Variants in CLHC1 observed in about 807,000 individuals in gnomAD.
The protein encoded by CLHC1 is clathrin heavy chain linker domain-containing protein 1.
Under a neutral mutation model 69.5 loss-of-function variants are expected in CLHC1, and 72 were observed. That is an observed-to-expected ratio of 1.04 (90% confidence interval 0.86 to 1.26). CLHC1 has a LOEUF of 1.26. Ranked by LOEUF, CLHC1 falls within the 50% of genes most tolerant of loss-of-function variation. CLHC1 has a pLI of 0.00. For missense variants in CLHC1, 790 were observed against 679.3 expected (o/e 1.16, Z -1.81); for synonymous variants, 223 against 224.3 (o/e 0.99, Z 0.05).
chr2:55,194,271 T>C (rs1329938161), intron 9 of CLHC1, among the ~76,000 whole-genome samples: 2 of 152,136 alleles, frequency 1.3e-5, no homozygotes, highest in East Asian at 3.8e-4. Context: ...AGGCAACATA[T>C]TCATTATACT....
At chr2:55,213,086 T>C (rs1673167355) in intron 4 of CLHC1, among the ~76,000 whole-genome samples, 1 of 152,220 alleles carries the variant, frequency 6.6e-6, no homozygotes, top group African/African-American at 2.4e-5. Flanking sequence ...ATTACTTTTG[T>C]AATTTAAAAA....
intron 2 of CLHC1, among the ~76,000 whole-genome samples, chr2:55,227,001 A>G (rs563499739): frequency 3.9e-5 from 6 of 152,360 alleles, no homozygotes; most frequent in African/African-American, 1.4e-4. Flanking sequence ...ATGTTCTGGC[A>G]ATATAACTGA....
chr2:55,177,834 C>A, intron 11 of CLHC1, 53 bp from the exon 12 acceptor site: 1 of 1,335,966 alleles, frequency 7.5e-7, no homozygotes. Flanking sequence ...CATAAATCAA[C>A]TAGAAACTAG....
At chr2:55,192,941 A>C (rs1216039689) in intron 9 of CLHC1, among the ~76,000 whole-genome samples, 3 of 138,492 alleles carry the variant, frequency 2.2e-5, no homozygotes, top group Non-Finnish European at 3.0e-5. Context: ...CCCAGGCTGG[A>C]GTGCAGTGGC....
chr2:55,216,375 C>G (rs564231911), intron 4 of CLHC1, among the ~76,000 whole-genome samples: 9 of 151,814 alleles, frequency 5.9e-5, no homozygotes, highest in African/African-American at 1.9e-4. Flanking sequence ...GACTACTTAA[C>G]AAGATTGAGC....
chr2:55,201,445 T>C (rs1671935045), intron 9 of CLHC1, among the ~76,000 whole-genome samples: 1 of 152,030 alleles, frequency 6.6e-6, no homozygotes, highest in Non-Finnish European at 1.5e-5. Flanking sequence ...TTAAGACACA[T>C]ACAACCCACC....
In CLHC1 at chr2:55,174,210, T is replaced by G. The variant is rs544143643; in HGVS notation, c.*1580A>C. Among the ~76,000 whole-genome samples, 1 of 152,336 alleles carries G rather than the reference T, an allele frequency of 6.6e-6. No homozygotes were observed. Among genetic ancestry groups the G allele is most frequent in the East Asian group, 1.9e-4 (1 of 5,188 alleles). ...TTTTAAACTATGCACATGTATTACT[T>G]TAAAAATGCTACGTTTTAGAAAGCT... On this transcript the variant is annotated 3_prime_UTR_variant, in exon 13 of 13. Coordinates refer to ENST00000401408, the MANE Select transcript of CLHC1 (RefSeq NM_152385.4).
At chr2:55,182,659 G>A (rs1381903418) in intron 9 of CLHC1, among the ~76,000 whole-genome samples, 2 of 152,212 alleles carry the variant, frequency 1.3e-5, no homozygotes, top group Non-Finnish European at 2.9e-5. Flanking sequence ...ACCAGAGCCT[G>A]ATATTTGCCT....
At chr2:55,231,559 G>A (rs1675363358) in intron 1 of CLHC1, among the ~76,000 whole-genome samples, 1 of 152,128 alleles carries the variant, frequency 6.6e-6, no homozygotes, top group Non-Finnish European at 1.5e-5. Flanking sequence ...AGTTAGATTC[G>A]GAACCCCTAC....
chr2:55,230,117 CAG>C (rs1194136804), intron 1 of CLHC1, among the ~76,000 whole-genome samples: 1 of 152,186 alleles, frequency 6.6e-6, no homozygotes, highest in Non-Finnish European at 1.5e-5. Context: ...CTGTGGAAAA[CAG>C]ATTATAGGAC....
chr2:55,223,287 A>G (rs1048647759), intron 2 of CLHC1, among the ~76,000 whole-genome samples: 5 of 152,152 alleles, frequency 3.3e-5, no homozygotes, highest in African/African-American at 1.2e-4. Context: ...TTTAATATTA[A>G]AGTACCAAGC....
chr2:55,210,217 G>C (rs1003088383), intron 5 of CLHC1, among the ~76,000 whole-genome samples: 1 of 150,826 alleles, frequency 6.6e-6, no homozygotes, highest in Non-Finnish European at 1.5e-5. Context: ...TTTTTTTTGA[G>C]ATGGAGTCGC....
At chr2:55,196,573 T>G (rs1671438367) in intron 9 of CLHC1, among the ~76,000 whole-genome samples, 1 of 152,096 alleles carries the variant, frequency 6.6e-6, no homozygotes, top group East Asian at 1.9e-4. Flanking sequence ...GGGACAACAT[T>G]TCTAGACACA....
At chr2:55,208,123 G>A (rs1481596554) in intron 8 of CLHC1, among the ~76,000 whole-genome samples, 6 of 152,120 alleles carry the variant, frequency 3.9e-5, no homozygotes, top group Non-Finnish European at 8.8e-5. Flanking sequence ...TGTAACATCA[G>A]GTTGATAGCT....
intron 9 of CLHC1, 66 bp downstream of exon 9, chr2:55,206,204 T>C: frequency 1.1e-6 from 1 of 929,652 alleles, no homozygotes; most frequent in Non-Finnish European, 1.7e-6. Context: ...TAATGCTTTT[T>C]CTATTTTATG....
Position 55,200,261 on chromosome 2 carries a change from TA to T in CLHC1, c.1006+6008del, listed in dbSNP as rs151215512. 2.0e-4 allele frequency among the ~76,000 whole-genome samples: 21 copies of T among 103,870 alleles called. 1 individual carries two copies. The highest frequency in any genetic ancestry group is 8.3e-4 in the East Asian group (3 of 3,618). The allele number at this position is 103,870 out of a possible 152,430, so 68.1% of individuals were successfully genotyped here. ...AAAAAAAAAACAGTGGCTGAGTAGA[TA>T]AAAAAAAAAGACCCAATGATCTGTT... On this transcript the variant is annotated intron_variant, in intron 9 of 12. Coordinates refer to ENST00000401408, the MANE Select transcript of CLHC1 (RefSeq NM_152385.4).
chr2:55,180,761 T>C (rs1173167052), intron 10 of CLHC1, 49 bp from the exon 11 acceptor site: 49 of 1,442,958 alleles, frequency 3.4e-5, no homozygotes, highest in Non-Finnish European at 4.5e-5. Context: ...TCCTGATGAG[T>C]GGCTGAGACT....
intron 3 of CLHC1, 130 bp downstream of exon 3, chr2:55,222,105 A>G: frequency 1.5e-6 from 1 of 661,418 alleles, no homozygotes; most frequent in Non-Finnish European, 2.5e-6. Flanking sequence ...AAATTGGATG[A>G]ACTTCTCAAA....
chr2:55,216,757 A>T (rs1573747566), intron 4 of CLHC1, among the ~76,000 whole-genome samples: 1 of 152,038 alleles, frequency 6.6e-6, no homozygotes, highest in South Asian at 2.1e-4. Context: ...TCCTGGCCTC[A>T]AGCAATCCTC....
Sources: allele counts gnomAD v4.1 joint callset (sites outside exome capture counted in the v4.1 genomes callset), GRCh38; gene constraint gnomAD v4.1.1; transcripts MANE v1.5; gene names NCBI Gene and HGNC (gene_info 2026-07-23, HGNC 2026-07-21).